The following GRID2 variants were observed in gnomAD, a reference collection of about 807,000 sequenced individuals.
The protein encoded by GRID2 is glutamate ionotropic receptor delta type subunit 2.
A neutral mutation model predicts 114.8 loss-of-function variants in GRID2; 33 were observed. The observed-to-expected ratio is 0.29, with a 90% CI of 0.22 to 0.38. The LOEUF is 0.38. Among genes scored for constraint, GRID2 ranks in the 10% least tolerant of loss-of-function variants. The probability of loss-of-function intolerance (pLI) is 1.00; values close to 1 mark genes in which losing one functional copy is unlikely to be tolerated. For missense variants in GRID2, 1,184 were observed against 1,257.7 expected (o/e 0.94, Z 0.89); for synonymous variants, 505 against 449.9 (o/e 1.12, Z -1.55).
intron 2 of GRID2, among the ~76,000 whole-genome samples, chr4:92,696,176 C>T (rs899297008): frequency 6.6e-6 from 1 of 151,836 alleles, no homozygotes; most frequent in Non-Finnish European, 1.5e-5. Context: ...TGATATAAAC[C>T]CCATTACAGT....
chr4:93,200,335 G>A, intron 4 of GRID2, among the ~76,000 whole-genome samples: 1 of 152,198 alleles, frequency 6.6e-6, no homozygotes, highest in South Asian at 2.1e-4. Context: ...GGGAGGCCGA[G>A]GCGGGCGGAT....
intron 1 of GRID2, among the ~76,000 whole-genome samples, chr4:92,366,581 C>T (rs1162772366): frequency 4.0e-5 from 6 of 151,766 alleles, no homozygotes; most frequent in Non-Finnish European, 5.9e-5. Context: ...GCTGTTGTCC[C>T]AAAATGTTTT....
intron 2 of GRID2, among the ~76,000 whole-genome samples, chr4:93,065,384 A>G (rs1578885995): frequency 1.3e-5 from 2 of 151,934 alleles, no homozygotes; most frequent in African/African-American, 4.8e-5. Context: ...TACTCACAGT[A>G]AGAGAAAATT....
rs78231158 is a variant in GRID2, at chr4:92,817,281, G to A, written c.244+226995G>A. ...TAGTTTTTCACTGCATTTTATCCCC[G>A]CTTTTATCAGCTACATTGCTGTGGG... On this transcript the variant is annotated intron_variant, in intron 2 of 15. Coordinates refer to ENST00000282020, the MANE Select transcript of GRID2 (RefSeq NM_001510.4). Among the ~76,000 whole-genome samples, 173 of 151,334 alleles carry A rather than the reference G, an allele frequency of 1.1e-3. 3 individuals carry two copies. The highest frequency in any genetic ancestry group is 7.4e-3 in the East Asian group (38 of 5,146).
rs1434173371 is a variant in GRID2 at position 92,996,742 on chromosome 4, C to T, written c.245-88253C>T. On this transcript the variant is annotated intron_variant, in intron 2 of 15. Coordinates refer to ENST00000282020, the MANE Select transcript of GRID2 (RefSeq NM_001510.4). ...AAATGATAGTGTACTTACAAGAGGTCATTATGACTTCTGGCACCCGTTGGA... is the reference window on the plus strand; with the variant it reads ...AAATGATAGTGTACTTACAAGAGGTTATTATGACTTCTGGCACCCGTTGGA... Among the ~76,000 whole-genome samples the T allele has an allele frequency of 2.0e-5, 3 of 152,230 alleles. No individual in the cohort carries two copies. The East Asian group carries it at 5.8e-4, about 29-fold the overall frequency.
chr4:92,686,385 C>T (rs1051694205), intron 2 of GRID2, among the ~76,000 whole-genome samples: 6 of 151,960 alleles, frequency 3.9e-5, no homozygotes, highest in African/African-American at 1.4e-4. Flanking sequence ...TTGGATGTTA[C>T]AATTAAATAT....
At position 93,626,365 on chromosome 4, in the gene GRID2, A is replaced by G. The variant is rs754349856; in HGVS notation, c.2290A>G (p.Thr764Ala). 6.2e-7 allele frequency: 1 copy of G among 1,608,934 alleles called. No individual in the cohort carries two copies. Among genetic ancestry groups the G allele is most frequent in the South Asian group, 1.1e-5 (1 of 90,884 alleles). The change falls in exon 14 of 16, where the codon ACT (threonine) becomes GCT (alanine). Residue 764 changes from threonine to alanine, a missense_variant. Thr to Ala is a moderately conservative substitution (Grantham distance 58). Coordinates refer to ENST00000282020, the MANE Select transcript of GRID2 (RefSeq NM_001510.4). ...PDCSFYTIGN[T>A]VADRGYGIAL... ...TTGTTCCTTTTACACCATTGGAAAT[A>G]CTGTTGCTGATCGGGGATATGGAAT...
chr4:93,006,763 T>C (rs1721577594), intron 2 of GRID2, among the ~76,000 whole-genome samples: 1 of 151,742 alleles, frequency 6.6e-6, no homozygotes, highest in African/African-American at 2.4e-5. Flanking sequence ...TGGTTGCTTG[T>C]TTAGGAAAAC....
At chr4:92,919,622 T>C (rs1434428179) in intron 2 of GRID2, among the ~76,000 whole-genome samples, 1 of 152,200 alleles carries the variant, frequency 6.6e-6, no homozygotes, top group East Asian at 1.9e-4. Context: ...CAGTAGTCAT[T>C]CAGGAGCAGG....
intron 2 of GRID2, among the ~76,000 whole-genome samples, chr4:92,916,536 G>T (rs537025750): frequency 2.0e-5 from 3 of 151,348 alleles, no homozygotes; most frequent in Non-Finnish European, 4.4e-5. Flanking sequence ...ACAGGCCCTC[G>T]TGTGTGATGT....
chr4:92,333,453 A>G (rs1392682181), intron 1 of GRID2, among the ~76,000 whole-genome samples: 1 of 152,088 alleles, frequency 6.6e-6, no homozygotes. Context: ...TTCTCCCATT[A>G]TGTTGAATAG....
intron 1 of GRID2, among the ~76,000 whole-genome samples, chr4:92,408,549 G>T (rs1413723837): frequency 7.1e-6 from 1 of 140,106 alleles, no homozygotes; most frequent in African/African-American, 2.6e-5. Flanking sequence ...AGAGTGTTTA[G>T]TCTATAAATT....
At chr4:93,379,306 T>C (rs576846525) in intron 8 of GRID2, among the ~76,000 whole-genome samples, 1 of 152,232 alleles carries the variant, frequency 6.6e-6, no homozygotes, top group Admixed American at 6.6e-5. Context: ...AATATATTGG[T>C]AAAATATAGA....
At chr4:93,671,140 G>T (rs1279850803) in intron 14 of GRID2, among the ~76,000 whole-genome samples, 1 of 152,150 alleles carries the variant, frequency 6.6e-6, no homozygotes, top group Non-Finnish European at 1.5e-5. Context: ...CTGGAAAAGG[G>T]TCTGACAGAA....
At chr4:92,555,294 G>T (rs1172561424) in intron 1 of GRID2, among the ~76,000 whole-genome samples, 2 of 152,070 alleles carry the variant, frequency 1.3e-5, no homozygotes, top group East Asian at 3.9e-4. Flanking sequence ...ATGTATGTAG[G>T]GTTATAGGAG....
At chr4:93,356,552 A>G (rs2149268368) in intron 8 of GRID2, among the ~76,000 whole-genome samples, 1 of 151,836 alleles carries the variant, frequency 6.6e-6, no homozygotes, top group Admixed American at 6.6e-5. Flanking sequence ...ATGTATTTTT[A>G]TTCTAACTCT....
chr4:93,043,230 A>C (rs561938523), intron 2 of GRID2, among the ~76,000 whole-genome samples: 1 of 152,308 alleles, frequency 6.6e-6, no homozygotes, highest in African/African-American at 2.4e-5. Context: ...TTCAGAAATC[A>C]AACTGCAGTT....
intron 1 of GRID2, among the ~76,000 whole-genome samples, chr4:92,561,695 T>G (rs1486035778): frequency 6.6e-6 from 1 of 152,192 alleles, no homozygotes; most frequent in Non-Finnish European, 1.5e-5. Context: ...ATATACAACT[T>G]TTAGATTCAT....
chr4:93,765,174 G>A (rs1248945907), intron 14 of GRID2, among the ~76,000 whole-genome samples: 1 of 152,044 alleles, frequency 6.6e-6, no homozygotes, highest in Non-Finnish European at 1.5e-5. Context: ...ATCATAAAAA[G>A]GAGGCCATAG....
Sources: gnomAD v4.1 joint callset for allele counts (sites outside exome capture counted in the v4.1 genomes callset) on GRCh38, gnomAD v4.1.1 for gene constraint, MANE v1.5 for transcripts, NCBI Gene and HGNC (gene_info 2026-07-23, HGNC 2026-07-21) for gene names.